ABCB1: variants seen among roughly 807,000 people sequenced by gnomAD.
The protein encoded by ABCB1 is ATP-dependent translocase ABCB1.
ABCB1 carries 69 observed loss-of-function variants against 142.0 expected under a neutral mutation model. The observed-to-expected ratio is 0.49, with a 90% CI of 0.40 to 0.59. The LOEUF (loss-of-function observed/expected upper bound fraction) is 0.59. Among genes scored for constraint, ABCB1 ranks in the 20% least tolerant of loss-of-function variants. ABCB1 has a pLI of 0.00. For missense variants in ABCB1, 1,326 were observed against 1,554.7 expected (o/e 0.85, Z 2.47); for synonymous variants, 532 against 539.2 (o/e 0.99, Z 0.18).
In ABCB1 at chr7:87,626,403, G is replaced by A. The variant is rs5014436; in HGVS notation, c.-330-25325C>T. On this transcript the variant is annotated intron_variant, in intron 1 of 28. Coordinates refer to the ABCB1 transcript ENST00000265724. ...TATGTGTCATATATATGTGTCATAT[G>A]TATGTGTCATATATATGTGTCATAT... Among the ~76,000 whole-genome samples, 167 of 18,646 alleles carry A rather than the reference G, an allele frequency of 9.0e-3. 71 individuals are homozygous for A. In the African/African-American group the frequency reaches 0.11, roughly 12 times the overall value. 12.2% of individuals were successfully genotyped at this position (18,646 alleles called of 152,430 possible).
intron 3 of ABCB1, among the ~76,000 whole-genome samples, chr7:87,591,260 C>T (rs1365078385): frequency 6.6e-6 from 1 of 152,138 alleles, no homozygotes; most frequent in Non-Finnish European, 1.5e-5. Context: ...AGAAGAAATG[C>T]AATCCTGCTG....
chr7:87,565,144 A>C (rs776369663), intron 7 of ABCB1, among the ~76,000 whole-genome samples: 1 of 152,236 alleles, frequency 6.6e-6, no homozygotes, highest in Non-Finnish European at 1.5e-5. Context: ...GATAATTATT[A>C]TTTGCAGAAA....
intron 1 of ABCB1, among the ~76,000 whole-genome samples, chr7:87,672,315 T>A (rs747876654): frequency 6.6e-6 from 1 of 152,178 alleles, no homozygotes; most frequent in Non-Finnish European, 1.5e-5. Context: ...CCACCTCTGG[T>A]CAGCTTGGAC....
At chr7:87,543,572 T>TA (rs1490252441) in intron 17 of ABCB1, among the ~76,000 whole-genome samples, 1 of 152,200 alleles carries the variant, frequency 6.6e-6, no homozygotes, top group Non-Finnish European at 1.5e-5. Context: ...TTTCAGATTG[T>TA]AACTTTACTG....
chr7:87,636,987 A>G (rs1821836622), intron 1 of ABCB1, among the ~76,000 whole-genome samples: 1 of 152,196 alleles, frequency 6.6e-6, no homozygotes, highest in South Asian at 2.1e-4. Flanking sequence ...AAATGAGAAC[A>G]TGAGAACCAA....
At chr7:87,625,421 A>G (rs879426334) in intron 1 of ABCB1, among the ~76,000 whole-genome samples, 15 of 152,172 alleles carry the variant, frequency 9.9e-5, no homozygotes, top group Non-Finnish European at 1.6e-4. Flanking sequence ...TCGTTCTGTC[A>G]TGACCACTCA....
rs115846420 is a variant in ABCB1, at chr7:87,676,419, G to A, written c.-331+36742C>T. 2.9e-3 allele frequency among the ~76,000 whole-genome samples: 445 copies of A among 151,936 alleles called. 3 individuals carry two copies. The highest frequency in any genetic ancestry group is 0.01 in the African/African-American group (421 of 41,430). ...AACAACATTAAAAAATGGGCAAAGAGGCCAGGCGCAGTGGCTCACACCTAT... is the reference window on the plus strand; with the variant it reads ...AACAACATTAAAAAATGGGCAAAGAAGCCAGGCGCAGTGGCTCACACCTAT... On this transcript the variant is annotated intron_variant, in intron 1 of 28. Transcript: ENST00000265724.
chr7:87,509,343 A>T lies in ABCB1; in HGVS notation c.3421T>A (p.Ser1141Thr), dbSNP rs2229107. The T allele has an allele frequency of 3.3e-3, 5,356 of 1,614,076 alleles. 155 individuals are homozygous for T. In the African/African-American group the frequency reaches 0.063, roughly 19 times the overall value. Reference sequence around the variant, plus strand: ...GCTGCCCTCACAATCTCTTCCTGTGACACCACCCGGCTGTTGTCTCCATAG... The same window carrying T: ...GCTGCCCTCACAATCTCTTCCTGTGTCACCACCCGGCTGTTGTCTCCATAG... ...IAYGDNSRVVSQEEIVRAAKE... is the reference protein window; with the variant it reads ...IAYGDNSRVVTQEEIVRAAKE... Residue 1141 changes from serine to threonine, a missense_variant, in exon 26 of 28, where the codon TCA (serine) becomes ACA (threonine). Ser to Thr is a moderately conservative substitution (Grantham distance 58). Transcript: ENST00000622132.
intron 1 of ABCB1, among the ~76,000 whole-genome samples, chr7:87,654,361 A>G (rs934589723): frequency 6.6e-6 from 1 of 152,124 alleles, no homozygotes; most frequent in African/African-American, 2.4e-5. Context: ...TTAAAACAGG[A>G]TGTTACCAGC....
intron 24 of ABCB1, among the ~76,000 whole-genome samples, chr7:87,516,195 A>G (rs906002085): frequency 7.9e-5 from 12 of 152,130 alleles, no homozygotes; most frequent in African/African-American, 2.7e-4. Context: ...GCAGTGAGCT[A>G]TGATCATACT....
intron 21 of ABCB1, among the ~76,000 whole-genome samples, chr7:87,528,659 C>T (rs1815902299): frequency 6.6e-6 from 1 of 152,162 alleles, no homozygotes; most frequent in African/African-American, 2.4e-5. Context: ...CAGGTTTTGA[C>T]ATCATGCAGT....
chr7:87,644,996 A>G (rs2130326005), intron 1 of ABCB1, among the ~76,000 whole-genome samples: 2 of 151,226 alleles, frequency 1.3e-5, no homozygotes, highest in Middle Eastern at 7.0e-3. Flanking sequence ...TAACCATCTC[A>G]TTTCTCTTGC....
chr7:87,625,974 A>G (rs968358639), intron 1 of ABCB1, among the ~76,000 whole-genome samples: 1 of 136,464 alleles, frequency 7.3e-6, no homozygotes, highest in East Asian at 2.1e-4. Flanking sequence ...AGAGAGGAAT[A>G]TATATATATA....
chr7:87,561,271 T>C lies in ABCB1; in HGVS notation c.819A>G (p.Glu273=). Residue 273 remains glutamate, a synonymous_variant, in exon 8 of 28, where the codon GAA becomes GAG. Coordinates refer to ENST00000622132, the MANE Select transcript of ABCB1 (RefSeq NM_001348946.2). ...AAAAAAGAAACTCAAACCTTTCAAGTTCTTTCTTTTGTCCTCCAAATGCAA... is the reference window on the plus strand; with the variant it reads ...AAAAAAGAAACTCAAACCTTTCAAGCTCTTTCTTTTGTCCTCCAAATGCAA... The part of the protein sequence containing the change: ...TVIAFGGQKK[E]LERYNKNLEE... 1 of 1,613,880 alleles carries C rather than the reference T, an allele frequency of 6.2e-7. No homozygotes were observed. The highest frequency in any genetic ancestry group is 2.2e-5 in the East Asian group (1 of 44,826).
intron 4 of ABCB1, 96 bp from the exon 5 acceptor site, chr7:87,570,319 T>C (rs1490805631): frequency 8.1e-7 from 1 of 1,227,994 alleles, no homozygotes; most frequent in Non-Finnish European, 1.2e-6. Flanking sequence ...CATTTAATGA[T>C]TTACATAAAA....
chr7:87,604,293 G>T (rs1184267180), upstream of ABCB1, among the ~76,000 whole-genome samples: 1 of 151,962 alleles, frequency 6.6e-6, no homozygotes, highest in Non-Finnish European at 1.5e-5. Context: ...CCAGATTGAA[G>T]GTTCAACATG....
In ABCB1 at chr7:87,522,209, A is replaced by C. The variant is rs534115083; in HGVS notation, c.2686-1333T>G. The C allele has an allele frequency of 3.5e-5, 46 of 1,315,100 alleles. No homozygotes were observed. In the African/African-American group the frequency reaches 6.2e-4, roughly 18 times the overall value. 81.5% of individuals were successfully genotyped at this position (1,315,100 alleles called of 1,614,324 possible). ...GATGGCTATAATGGATTTGGTAATC[A>C]TGGAAGCAATTTTGGAGGTGGTGTA... On this transcript the variant is annotated intron_variant, in intron 21 of 27. Coordinates refer to ENST00000622132, the MANE Select transcript of ABCB1 (RefSeq NM_001348946.2).
At chr7:87,610,232 C>CTTTTTTTTTTTT (rs914468581) in intron 1 of ABCB1, among the ~76,000 whole-genome samples, 3 of 117,038 alleles carry the variant, frequency 2.6e-5, no homozygotes, top group Non-Finnish European at 3.6e-5. Context: ...CTTTTTCTTT[C>CTTTTTTTTTTTT]TTTTTTTTTT....
At chr7:87,504,670 T>C (rs1354276265) in intron 27 of ABCB1, among the ~76,000 whole-genome samples, 2 of 151,850 alleles carry the variant, frequency 1.3e-5, no homozygotes, top group South Asian at 2.1e-4. Context: ...CTGGGCTTGG[T>C]GGTGGGTGCC....
Sources: gnomAD v4.1 joint callset for allele counts (sites outside exome capture counted in the v4.1 genomes callset) on GRCh38, gnomAD v4.1.1 for gene constraint, MANE v1.5 for transcripts, NCBI Gene and HGNC (gene_info 2026-07-23, HGNC 2026-07-21) for gene names.